Variants in COL25A1 observed in about 807,000 individuals in gnomAD.
COL25A1 encodes collagen alpha-1(XXV) chain.
COL25A1 carries 103 observed loss-of-function variants against 128.4 expected under a neutral mutation model. That is an observed-to-expected ratio of 0.80 (90% CI 0.68 to 0.94). The LOEUF (loss-of-function observed/expected upper bound fraction) is 0.94. Ranked by LOEUF, COL25A1 falls within the 40% of genes least tolerant of loss-of-function variation. COL25A1 has a pLI of 0.00. For synonymous variants in COL25A1, 279 were observed against 277.2 expected, an observed-to-expected ratio of 1.01 and a Z score of -0.06; for missense variants, 745 against 840.0, an observed-to-expected ratio of 0.89 and a Z score of 1.40.
At chr4:108,925,176 A>G (rs1578784164) in intron 11 of COL25A1, among the ~76,000 whole-genome samples, 1 of 152,164 alleles carries the variant, frequency 6.6e-6, no homozygotes, top group Non-Finnish European at 1.5e-5. Flanking sequence ...ATGACCACTC[A>G]GTGAGCACTC....
At chr4:108,866,769 T>C (rs1049418868) in intron 20 of COL25A1, among the ~76,000 whole-genome samples, 1 of 152,216 alleles carries the variant, frequency 6.6e-6, no homozygotes, top group Admixed American at 6.5e-5. Flanking sequence ...AACCATAACA[T>C]TGATACTTAA....
At chr4:108,968,507 G>A (rs1435325780) in intron 8 of COL25A1, among the ~76,000 whole-genome samples, 4 of 146,626 alleles carry the variant, frequency 2.7e-5, no homozygotes, top group African/African-American at 1.0e-4. Context: ...GTAGTTTTGT[G>A]TGTGGTGTTC....
intron 3 of COL25A1, among the ~76,000 whole-genome samples, chr4:109,139,485 A>G (rs1770168795): frequency 6.6e-6 from 1 of 152,002 alleles, no homozygotes; most frequent in Non-Finnish European, 1.5e-5. Flanking sequence ...ATCCATCTTG[A>G]GTTAATTTTT....
intron 5 of COL25A1, among the ~76,000 whole-genome samples, chr4:109,034,919 C>A (rs1480359479): frequency 2.0e-5 from 3 of 152,126 alleles, no homozygotes; most frequent in African/African-American, 7.2e-5. Flanking sequence ...TATAAAGACA[C>A]ATATTCATAT....
intron 16 of COL25A1, among the ~76,000 whole-genome samples, chr4:108,895,501 G>T (rs1378887636): frequency 6.6e-6 from 1 of 152,068 alleles, no homozygotes; most frequent in Non-Finnish European, 1.5e-5. Context: ...AAGCTATCAC[G>T]ATAGACTGAG....
intron 8 of COL25A1, among the ~76,000 whole-genome samples, chr4:108,952,831 C>CTTTTTTT (rs59761040): frequency 1.5e-4 from 10 of 66,984 alleles, no homozygotes; most frequent in South Asian, 7.5e-4. Context: ...AAAAACTCAA[C>CTTTTTTT]TTTTTTTTTT....
intron 3 of COL25A1, among the ~76,000 whole-genome samples, chr4:109,183,491 G>A (rs573004691): frequency 2.2e-4 from 33 of 152,238 alleles, no homozygotes; most frequent in African/African-American, 7.9e-4. Flanking sequence ...TGACTTATCT[G>A]TGCTTTTCTC....
chr4:109,118,475 A>G, intron 3 of COL25A1, among the ~76,000 whole-genome samples: 1 of 152,124 alleles, frequency 6.6e-6, no homozygotes, highest in South Asian at 2.1e-4. Context: ...ATAAATATAT[A>G]TAATTATTAC....
chr4:109,204,371 T>A (rs1294456304), intron 3 of COL25A1, among the ~76,000 whole-genome samples: 2 of 152,276 alleles, frequency 1.3e-5, no homozygotes, highest in Middle Eastern at 3.4e-3. Context: ...AGACGTTGTA[T>A]GAAGGAATCA....
chr4:108,844,146 C>T (rs776754198), intron 30 of COL25A1, among the ~76,000 whole-genome samples: 22 of 152,194 alleles, frequency 1.4e-4, no homozygotes, highest in Non-Finnish European at 2.5e-4. Context: ...ACCTCGGCCT[C>T]CCAAAGTGTT....
At chr4:108,900,240 C>T (rs1203084134) in intron 14 of COL25A1, among the ~76,000 whole-genome samples, 1 of 152,082 alleles carries the variant, frequency 6.6e-6, no homozygotes, top group East Asian at 1.9e-4. Flanking sequence ...CATTGTTTGG[C>T]TTTTTAGCAT....
intron 3 of COL25A1, among the ~76,000 whole-genome samples, chr4:109,287,837 T>C (rs1724032682): frequency 6.6e-6 from 1 of 152,136 alleles, no homozygotes; most frequent in African/African-American, 2.4e-5. Context: ...TTTGAGGAGC[T>C]GATAAAGTGG....
In COL25A1 at chr4:108,809,426, C is replaced by T. The variant is rs1730625408; in HGVS notation, c.*4501G>A. The T allele has an allele frequency of 6.6e-6, 1 of 151,908 alleles. No homozygotes were observed. 9.4% of individuals were successfully genotyped at this position (151,908 alleles called of 1,614,324 possible). ...TATGTAAGACATTCTTTTGTGAATC[C>T]AATTCGTTAATATTTCTGAGATAGG... On this transcript the variant is annotated 3_prime_UTR_variant, in exon 38 of 38. Coordinates refer to ENST00000399132, the MANE Select transcript of COL25A1 (RefSeq NM_198721.4).
chr4:109,004,811 G>A (rs966695694), intron 6 of COL25A1, among the ~76,000 whole-genome samples: 1 of 152,102 alleles, frequency 6.6e-6, no homozygotes, highest in Non-Finnish European at 1.5e-5. Context: ...GCAGTACCGT[G>A]AGCCAGTTAT....
intron 3 of COL25A1, among the ~76,000 whole-genome samples, chr4:109,240,561 T>C (rs1779830536): frequency 6.6e-6 from 1 of 152,102 alleles, no homozygotes; most frequent in South Asian, 2.1e-4. Context: ...CCTCCAGCCC[T>C]GTGCTCCATT....
intron 6 of COL25A1, among the ~76,000 whole-genome samples, chr4:108,992,270 G>A (rs1014229578): frequency 8.5e-5 from 13 of 152,214 alleles, no homozygotes; most frequent in Admixed American, 7.9e-4. Flanking sequence ...AATTTTATGC[G>A]AAAGAAATGG....
chr4:109,059,515 A>G (rs1761750010), intron 3 of COL25A1, among the ~76,000 whole-genome samples: 1 of 152,220 alleles, frequency 6.6e-6, no homozygotes, highest in African/African-American at 2.4e-5. Context: ...ATCTTTGTTT[A>G]TAGGCTTATT....
At chr4:108,995,518 G>A (rs1329293465) in intron 6 of COL25A1, among the ~76,000 whole-genome samples, 1 of 152,218 alleles carries the variant, frequency 6.6e-6, no homozygotes, top group Admixed American at 6.5e-5. Context: ...GTGACGGGGA[G>A]AATGGAACCA....
rs77074041 is a variant in COL25A1, at chr4:109,157,816, C to T, written c.368-107637G>A. Among the ~76,000 whole-genome samples, 898 of 152,294 alleles carry T rather than the reference C, an allele frequency of 5.9e-3. 8 individuals are homozygous for T. Among genetic ancestry groups the T allele is most frequent in the African/African-American group, 0.02 (835 of 41,560 alleles). On this transcript the variant is annotated intron_variant, in intron 3 of 37. Transcript: ENST00000399132. The stretch of plus-strand genomic sequence containing the variant: ...ATGCCCAGGGGAGCAGTCGCTGAAA[C>T]GAGACTCTAGGCTATTGGCACCTAG...
Sources: gnomAD v4.1 joint callset for allele counts (sites outside exome capture counted in the v4.1 genomes callset) on GRCh38, gnomAD v4.1.1 for gene constraint, MANE v1.5 for transcripts, NCBI Gene and HGNC (gene_info 2026-07-23, HGNC 2026-07-21) for gene names.